The following PAK3 variants were observed in gnomAD, a reference collection of about 807,000 sequenced individuals.
PAK3 encodes the protein p21 (RAC1) activated kinase 3.
In PAK3, 4 loss-of-function variants were observed where a neutral mutation model predicts 41.0. That is an observed-to-expected ratio of 0.10 (90% confidence interval 0.05 to 0.22). The LOEUF (loss-of-function observed/expected upper bound fraction) is 0.22. Among genes scored for constraint, PAK3 ranks in the 10% least tolerant of loss-of-function variants. PAK3 has a pLI of 1.00. For missense variants in PAK3, 205 were observed against 409.9 expected (o/e 0.50, Z 4.32); for synonymous variants, 146 against 139.6 (o/e 1.05, Z -0.32).
intron 1 of PAK3, among the ~76,000 whole-genome samples, chrX:111,079,304 A>C (rs1603136010): frequency 8.9e-6 from 1 of 112,160 alleles, no homozygotes; most frequent in Non-Finnish European, 1.9e-5. Flanking sequence ...CTCTTGTTAG[A>C]GGCTAACGCA....
intron 1 of PAK3, among the ~76,000 whole-genome samples, chrX:111,035,034 A>G (rs1472251701): frequency 1.0e-5 from 1 of 99,565 alleles, no homozygotes; most frequent in Non-Finnish European, 2.0e-5. Context: ...GGAATCCAGA[A>G]AGTCAAGGCT....
chrX:111,066,139 T>C (rs946422374), intron 1 of PAK3, among the ~76,000 whole-genome samples: 4 of 111,904 alleles, frequency 3.6e-5, no homozygotes, highest in African/African-American at 1.3e-4. Context: ...CTAGGTGTGA[T>C]GTCAGATCAG....
intron 10 of PAK3, among the ~76,000 whole-genome samples, chrX:111,170,572 T>C (rs1471776356): frequency 3.6e-5 from 4 of 111,677 alleles, no homozygotes; most frequent in Non-Finnish European, 7.5e-5. Context: ...ATTCATTTAA[T>C]CAACAAATAT....
At chrX:111,167,654 C>T (rs970907462) in intron 10 of PAK3, among the ~76,000 whole-genome samples, 4 of 100,841 alleles carry the variant, frequency 4.0e-5, no homozygotes, top group Non-Finnish European at 7.8e-5. Flanking sequence ...TGTTCTCACT[C>T]GTAAGTGGGA....
chrX:111,048,425 T>C (rs778377520), intron 1 of PAK3, among the ~76,000 whole-genome samples: 3 of 111,569 alleles, frequency 2.7e-5, no homozygotes, highest in Non-Finnish European at 3.8e-5. Flanking sequence ...CCACTGAGCT[T>C]CAAACTTATA....
At chrX:111,060,973 T>C (rs2092650783) in intron 1 of PAK3, among the ~76,000 whole-genome samples, 2 of 111,721 alleles carry the variant, frequency 1.8e-5, no homozygotes, top group South Asian at 7.5e-4. Context: ...ATTGAATAGA[T>C]TTTTAGACTT....
At chrX:111,085,692 C>T (rs187259352) in intron 1 of PAK3, among the ~76,000 whole-genome samples, 2 of 111,935 alleles carry the variant, frequency 1.8e-5, no homozygotes, top group Admixed American at 9.5e-5. Context: ...TTCATCTACT[C>T]CCCAGACGCC....
intron 1 of PAK3, among the ~76,000 whole-genome samples, chrX:111,058,805 A>C (rs1423162084): frequency 8.9e-6 from 1 of 112,135 alleles, no homozygotes; most frequent in Non-Finnish European, 1.9e-5. Flanking sequence ...TAGCTATTAC[A>C]TTTAGGTCTT....
chrX:111,098,387 G>A lies in PAK3; in HGVS notation c.-176+703G>A, dbSNP rs187905576. On this transcript the variant is annotated intron_variant, in intron 3 of 17. Coordinates refer to ENST00000372007, the MANE Select transcript of PAK3 (RefSeq NM_002578.5). ...TCAGATGTAGTAGGCAGGAAGGCAGGAGCAAACTAGAGAGAGAGAGAAGAA... is the reference window on the plus strand; with the variant it reads ...TCAGATGTAGTAGGCAGGAAGGCAGAAGCAAACTAGAGAGAGAGAGAAGAA... Among the ~76,000 whole-genome samples, 542 of 109,777 alleles carry A rather than the reference G, an allele frequency of 4.9e-3. 1 individual carries two copies. Among genetic ancestry groups the A allele is most frequent in the African/African-American group, 0.017 (509 of 30,056 alleles).
intron 4 of PAK3, among the ~76,000 whole-genome samples, chrX:111,115,093 T>C (rs1420043504): frequency 8.9e-6 from 1 of 112,216 alleles, no homozygotes; most frequent in Non-Finnish European, 1.9e-5. Context: ...ATATGAGCAC[T>C]AGGGAAGTAA....
intron 1 of PAK3, among the ~76,000 whole-genome samples, chrX:111,020,161 C>T (rs1222425178): frequency 8.9e-6 from 1 of 112,057 alleles, no homozygotes; most frequent in East Asian, 2.8e-4. Flanking sequence ...AAGTTAGAAG[C>T]ATCCCAAGTG....
At chrX:111,184,389 C>T (rs1386792602) in intron 11 of PAK3, among the ~76,000 whole-genome samples, 3 of 109,039 alleles carry the variant, frequency 2.8e-5, no homozygotes, top group South Asian at 4.0e-4. Context: ...TATAGTGCTG[C>T]GTGACACTGA....
chrX:111,111,973 T>C (rs749147403), intron 4 of PAK3, among the ~76,000 whole-genome samples: 1 of 111,527 alleles, frequency 9.0e-6, no homozygotes, highest in African/African-American at 3.3e-5. Flanking sequence ...TTTCTGTCTC[T>C]TGACTGATTA....
intron 1 of PAK3, among the ~76,000 whole-genome samples, chrX:111,080,811 T>A (rs759019569): frequency 4.5e-5 from 5 of 112,097 alleles, no homozygotes; most frequent in Non-Finnish European, 9.4e-5. Flanking sequence ...TTCACGGTAG[T>A]CAAGATATGA....
At chrX:111,068,216 TC>T (rs2092715349) in intron 1 of PAK3, among the ~76,000 whole-genome samples, 1 of 112,049 alleles carries the variant, frequency 8.9e-6, no homozygotes, top group Non-Finnish European at 1.9e-5. Context: ...GTTTTATGGA[TC>T]ATCTATAATT....
At chrX:111,067,194 C>G (rs2092708299) in intron 1 of PAK3, among the ~76,000 whole-genome samples, 2 of 111,576 alleles carry the variant, frequency 1.8e-5, no homozygotes, top group South Asian at 7.5e-4. Context: ...TAGGACATCA[C>G]CATGTTGAAT....
At chrX:111,078,683 A>G (rs1453380379) in intron 1 of PAK3, among the ~76,000 whole-genome samples, 2 of 111,240 alleles carry the variant, frequency 1.8e-5, no homozygotes, top group Non-Finnish European at 3.8e-5. Context: ...GAAGAGCCGC[A>G]TGTCTCTCCC....
rs376688922 is a variant in PAK3 at position 110,970,325 on chromosome X, G to C, written c.-28+25697G>C. 4.7e-3 allele frequency among the ~76,000 whole-genome samples: 527 copies of C among 111,758 alleles called. 3 individuals carry two copies. The highest frequency in any genetic ancestry group is 0.016 in the African/African-American group (504 of 30,755). On this transcript the variant is annotated intron_variant, in intron 1 of 14. Transcript: ENST00000425146. ...ATATTAGACTTTTGTCATATGGATA[G>C]ATTACAAAAATTTTCTCCCATTCTG...
intron 1 of PAK3, among the ~76,000 whole-genome samples, chrX:111,053,230 T>G (rs922040553): frequency 5.4e-5 from 6 of 110,520 alleles, no homozygotes; most frequent in African/African-American, 1.7e-4. Flanking sequence ...TGAGTTTCCA[T>G]TACTGGCTTA....
Sources: allele counts gnomAD v4.1 joint callset (sites outside exome capture counted in the v4.1 genomes callset), GRCh38; gene constraint gnomAD v4.1.1; transcripts MANE v1.5; gene names NCBI Gene and HGNC (gene_info 2026-07-23, HGNC 2026-07-21).